Variants in SLC9A1 observed in about 807,000 individuals in gnomAD.
The protein encoded by SLC9A1 is solute carrier family 9 member A1, also known as sodium/hydrogen exchanger 1.
SLC9A1 carries 22 observed loss-of-function variants against 67.9 expected under a neutral mutation model. The ratio of observed to expected loss-of-function variants is 0.32; its 90% CI spans 0.23 to 0.46. The LOEUF (loss-of-function observed/expected upper bound fraction) is 0.46, where lower values mean the gene tolerates loss of function less well. Ranked by LOEUF, SLC9A1 falls within the 20% of genes least tolerant of loss-of-function variation. SLC9A1 has a pLI of 1.00. For synonymous variants in SLC9A1, 421 were observed against 471.8 expected, an observed-to-expected ratio of 0.89 and a Z score of 1.40; for missense variants, 686 against 1,094.8, an observed-to-expected ratio of 0.63 and a Z score of 5.27.
chr1:27,136,246 A>T (rs1358311287), intron 1 of SLC9A1, among the ~76,000 whole-genome samples: 1 of 152,224 alleles, frequency 6.6e-6, no homozygotes, highest in East Asian at 1.9e-4. Context: ...ACTGCTGCTT[A>T]ACTAGCAAGG....
chr1:27,145,658 G>C (rs1470697481), intron 1 of SLC9A1, among the ~76,000 whole-genome samples: 2 of 152,242 alleles, frequency 1.3e-5, no homozygotes, highest in Non-Finnish European at 2.9e-5. Context: ...AAGGGACAGG[G>C]AAGGGGGCCT....
chr1:27,145,960 T>C lies in SLC9A1; in HGVS notation c.352+8023A>G, dbSNP rs74967985. Among the ~76,000 whole-genome samples, 1,227 of 152,316 alleles carry C rather than the reference T, an allele frequency of 8.1e-3. 14 individuals are homozygous for C. The highest frequency in any genetic ancestry group is 0.027 in the African/African-American group (1,132 of 41,560). On this transcript the variant is annotated intron_variant, in intron 1 of 11. Coordinates refer to ENST00000263980, the MANE Select transcript of SLC9A1 (RefSeq NM_003047.5). The stretch of plus-strand genomic sequence containing the variant: ...GTTAAAATTAGATTAGCCCATAAGA[T>C]TAAAATACCAACATATAATCACGGG...
intron 1 of SLC9A1, among the ~76,000 whole-genome samples, chr1:27,152,416 C>T (rs1020421286): frequency 4.6e-5 from 7 of 152,292 alleles, no homozygotes; most frequent in African/African-American, 1.7e-4. Flanking sequence ...TGTGAGGTCT[C>T]CTCCTGGTCT....
At chr1:27,124,712 T>C (rs544283722) in intron 1 of SLC9A1, among the ~76,000 whole-genome samples, 5 of 152,136 alleles carry the variant, frequency 3.3e-5, no homozygotes, top group African/African-American at 4.8e-5. Flanking sequence ...TGGGGTCTAT[T>C]GTGTGCCCTC....
Position 27,127,961 on chromosome 1 carries a change from G to C in SLC9A1, c.353-13675C>G, listed in dbSNP as rs139502632. 4.4e-3 allele frequency among the ~76,000 whole-genome samples: 677 copies of C among 152,274 alleles called. 18 individuals are homozygous for C. Among genetic ancestry groups the C allele is most frequent in the Admixed American group, 0.038 (577 of 15,290 alleles). ...TTTGAACAAGCCGTTGCTTCTCTTT[G>C]GTCTCAGTCTCTCCATCCTTGGGGG... On this transcript the variant is annotated intron_variant, in intron 1 of 11. Transcript: ENST00000263980.
In SLC9A1 at chr1:27,102,135, G is replaced by A. The variant is rs993647773; in HGVS notation, c.1821-5C>T. 3.1e-6 allele frequency: 5 copies of A among 1,604,504 alleles called. No homozygotes were observed. The highest frequency in any genetic ancestry group is 2.7e-5 in the African/African-American group (2 of 74,728). On this transcript the variant is annotated splice_polypyrimidine_tract_variant and splice_region_variant and intron_variant, in intron 8 of 11. Coordinates refer to ENST00000263980, the MANE Select transcript of SLC9A1 (RefSeq NM_003047.5). ...AGGGACTTGGGGTGGATGTTCCTGG[G>A]GCAATAGGGCATCGGTTAGGTCCCC...
At chr1:27,129,492 G>C (rs1226695223) in intron 1 of SLC9A1, among the ~76,000 whole-genome samples, 1 of 152,212 alleles carries the variant, frequency 6.6e-6, no homozygotes, top group Non-Finnish European at 1.5e-5. Context: ...CTTGGTCCTG[G>C]TGCCAGGAAG....
intron 1 of SLC9A1, among the ~76,000 whole-genome samples, chr1:27,116,385 GA>G (rs945960717): frequency 8.1e-5 from 12 of 147,976 alleles, no homozygotes; most frequent in Admixed American, 6.1e-4. Flanking sequence ...ACTCCATCTT[GA>G]AAAAAAAAAG....
chr1:27,120,151 T>TG (rs1553176536), intron 1 of SLC9A1, among the ~76,000 whole-genome samples: 5 of 151,660 alleles, frequency 3.3e-5, no homozygotes, highest in African/African-American at 4.8e-5. Flanking sequence ...TGTTTTGTTT[T>TG]GGGGGGGCGG....
intron 1 of SLC9A1, among the ~76,000 whole-genome samples, chr1:27,117,523 G>A (rs1224962310): frequency 1.3e-5 from 2 of 152,216 alleles, no homozygotes; most frequent in African/African-American, 2.4e-5. Flanking sequence ...TCGCCAGACA[G>A]TGCCTGGGAG....
At chr1:27,122,625 T>G (rs2083312035) in intron 1 of SLC9A1, among the ~76,000 whole-genome samples, 1 of 152,186 alleles carries the variant, frequency 6.6e-6, no homozygotes, top group Non-Finnish European at 1.5e-5. Context: ...TGCAGCCTGG[T>G]TCTACCACCA....
chr1:27,125,712 G>A (rs1039979629), intron 1 of SLC9A1, among the ~76,000 whole-genome samples: 2 of 151,830 alleles, frequency 1.3e-5, no homozygotes, highest in Admixed American at 6.6e-5. Flanking sequence ...CTCCTGCCTC[G>A]GCCTCCTGCG....
chr1:27,127,748 G>A (rs1178045169), intron 1 of SLC9A1, among the ~76,000 whole-genome samples: 1 of 152,224 alleles, frequency 6.6e-6, no homozygotes, highest in Non-Finnish European at 1.5e-5. Context: ...CTCAGCTCCA[G>A]GGACAGCTGG....
chr1:27,121,999 C>T (rs2083307399), intron 1 of SLC9A1, among the ~76,000 whole-genome samples: 1 of 152,162 alleles, frequency 6.6e-6, no homozygotes, highest in Non-Finnish European at 1.5e-5. Flanking sequence ...GCCTATAGTC[C>T]TAGCTACTCA....
In SLC9A1 at chr1:27,152,376, G is replaced by A. The variant is rs559911498; in HGVS notation, c.352+1607C>T. Among the ~76,000 whole-genome samples, 74 of 152,276 alleles carry A rather than the reference G, an allele frequency of 4.9e-4. 1 individual carries two copies. In the South Asian group the frequency reaches 9.5e-3, roughly 20 times the overall value. On this transcript the variant is annotated intron_variant, in intron 1 of 11. Coordinates refer to ENST00000263980, the MANE Select transcript of SLC9A1 (RefSeq NM_003047.5). ...GGTGTGGTGGGCAGGTGAGGGGATC[G>A]GGGACAGGAGGCAATTTATAGATTG...
intron 8 of SLC9A1, 86 bp from the exon 9 acceptor site, chr1:27,102,216 G>A: frequency 7.3e-7 from 1 of 1,368,752 alleles, no homozygotes; most frequent in Non-Finnish European, 1.0e-6. Context: ...GTCACCCTAG[G>A]GATGACCCAG....
chr1:27,107,975 C>T (rs2083201450), intron 3 of SLC9A1, 110 bp from the exon 4 acceptor site: 1 of 754,584 alleles, frequency 1.3e-6, no homozygotes, highest in East Asian at 2.7e-5. Context: ...GTCCCAAGCT[C>T]CTCTATGGGC....
intron 1 of SLC9A1, among the ~76,000 whole-genome samples, chr1:27,145,315 C>A (rs1426236846): frequency 2.0e-5 from 3 of 152,214 alleles, no homozygotes; most frequent in Non-Finnish European, 4.4e-5. Flanking sequence ...AGGCTGGAAG[C>A]TCCTAAAGAG....
At chr1:27,130,158 T>C (rs747494166) in intron 1 of SLC9A1, among the ~76,000 whole-genome samples, 12 of 152,342 alleles carry the variant, frequency 7.9e-5, no homozygotes, top group Non-Finnish European at 1.5e-4. Flanking sequence ...TGGAGTGCAG[T>C]GGCACAATCT....
Sources: allele counts gnomAD v4.1 joint callset (sites outside exome capture counted in the v4.1 genomes callset), GRCh38; gene constraint gnomAD v4.1.1; transcripts MANE v1.5; gene names NCBI Gene and HGNC (gene_info 2026-07-23, HGNC 2026-07-21).